Variants in MOB1B observed in about 807,000 individuals in gnomAD.
The protein encoded by MOB1B is MOB1 Mps One Binder homolog B.
Under a neutral mutation model 24.4 loss-of-function variants are expected in MOB1B, and 19 were observed. The observed-to-expected ratio is 0.78, with a 90% confidence interval of 0.54 to 1.14. MOB1B has a LOEUF of 1.14. MOB1B is among the 50% of genes most tolerant of loss of function. MOB1B has a pLI of 0.00. For missense variants in MOB1B, 243 were observed against 259.6 expected (o/e 0.94, Z 0.44); for synonymous variants, 76 against 82.1 (o/e 0.93, Z 0.40).
intron 1 of MOB1B, among the ~76,000 whole-genome samples, chr4:70,912,833 T>C (rs959157270): frequency 2.0e-5 from 3 of 152,228 alleles, no homozygotes; most frequent in African/African-American, 7.2e-5. Context: ...CGATCTCGAC[T>C]CACTGCAGCC....
At chr4:70,937,756 C>T (rs895438726) in intron 1 of MOB1B, among the ~76,000 whole-genome samples, 2 of 152,060 alleles carry the variant, frequency 1.3e-5, no homozygotes, top group Non-Finnish European at 2.9e-5. Context: ...GAACTCCTGA[C>T]CTCAGGCCGT....
intron 1 of MOB1B, among the ~76,000 whole-genome samples, chr4:70,941,294 ACTT>A (rs1007318747): frequency 4.0e-5 from 6 of 151,800 alleles, no homozygotes; most frequent in Admixed American, 3.9e-4. Flanking sequence ...ATTTCTGCTT[ACTT>A]CTTTGTCACT....
chr4:70,977,308 A>C (rs1387948590), intron 4 of MOB1B, among the ~76,000 whole-genome samples: 1 of 152,114 alleles, frequency 6.6e-6, no homozygotes, highest in Non-Finnish European at 1.5e-5. Context: ...TGAGGAGTGC[A>C]TATTATTTTA....
intron 1 of MOB1B, among the ~76,000 whole-genome samples, chr4:70,954,773 C>T (rs190427823): frequency 1.2e-3 from 174 of 150,388 alleles, no homozygotes; most frequent in Admixed American, 2.8e-3. Flanking sequence ...TTTTTGGAGA[C>T]GGAGTCTCGC....
chr4:70,925,131 C>T (rs926296457), intron 1 of MOB1B, among the ~76,000 whole-genome samples: 2 of 152,140 alleles, frequency 1.3e-5, no homozygotes, highest in South Asian at 2.1e-4. Context: ...GCAACCTCCA[C>T]CTCCTGGGTT....
intron 1 of MOB1B, among the ~76,000 whole-genome samples, chr4:70,949,651 G>A (rs1737721371): frequency 6.6e-6 from 1 of 152,166 alleles, no homozygotes; most frequent in African/African-American, 2.4e-5. Flanking sequence ...ACTTTGGGTG[G>A]TGGGGATGGG....
At chr4:70,975,058 T>G in intron 3 of MOB1B, 95 bp from the exon 4 acceptor site, 1 of 907,548 alleles carries the variant, frequency 1.1e-6, no homozygotes, top group Non-Finnish European at 1.5e-6. Flanking sequence ...TGAAAACATG[T>G]CTGTGTGTAC....
chr4:70,940,803 A>G (rs1737301108), intron 1 of MOB1B, among the ~76,000 whole-genome samples: 1 of 151,578 alleles, frequency 6.6e-6, no homozygotes, highest in Non-Finnish European at 1.5e-5. Context: ...CAGCCTCCCG[A>G]GTAGCTGGGA....
At chr4:70,907,403 CTCT>C (rs1372571800) in intron 1 of MOB1B, among the ~76,000 whole-genome samples, 1 of 151,490 alleles carries the variant, frequency 6.6e-6, no homozygotes, top group African/African-American at 2.4e-5. Context: ...AATTATGGGT[CTCT>C]TTTGACTAAT....
At chr4:70,927,716 C>G (rs1484547551) in intron 1 of MOB1B, among the ~76,000 whole-genome samples, 1 of 152,080 alleles carries the variant, frequency 6.6e-6, no homozygotes, top group African/African-American at 2.4e-5. Context: ...CACTGCTGTT[C>G]CACTTTAGCA....
At chr4:70,916,570 A>G (rs1736203917) in intron 1 of MOB1B, among the ~76,000 whole-genome samples, 1 of 152,022 alleles carries the variant, frequency 6.6e-6, no homozygotes, top group South Asian at 2.1e-4. Context: ...CTGCCACTGA[A>G]TATCTTTTTT....
intron 1 of MOB1B, among the ~76,000 whole-genome samples, chr4:70,928,087 C>G (rs996751834): frequency 6.6e-6 from 1 of 152,116 alleles, no homozygotes; most frequent in South Asian, 2.1e-4. Flanking sequence ...TGCCCCCTTC[C>G]CAGTTTGTTA....
At chr4:70,913,026 G>A (rs895269883) in intron 1 of MOB1B, among the ~76,000 whole-genome samples, 1 of 152,178 alleles carries the variant, frequency 6.6e-6, no homozygotes, top group Non-Finnish European at 1.5e-5. Context: ...CCAAAGTGCC[G>A]GCATTACAGG....
At chr4:70,922,237 A>G (rs1736465806) in intron 1 of MOB1B, among the ~76,000 whole-genome samples, 1 of 152,236 alleles carries the variant, frequency 6.6e-6, no homozygotes, top group African/African-American at 2.4e-5. Context: ...ATATTTCCCC[A>G]TATCACAACC....
At chr4:70,917,556 A>G (rs541544864) in intron 1 of MOB1B, among the ~76,000 whole-genome samples, 60 of 152,324 alleles carry the variant, frequency 3.9e-4, no homozygotes, top group Non-Finnish European at 7.1e-4. Context: ...CCAAAGTTCA[A>G]GGTCCCGAAG....
chr4:70,947,101 A>C (rs895432210), intron 1 of MOB1B, among the ~76,000 whole-genome samples: 10 of 152,134 alleles, frequency 6.6e-5, no homozygotes, highest in Admixed American at 5.2e-4. Flanking sequence ...AGTAAGTTAG[A>C]AAGACAGGAT....
Position 70,986,737 on chromosome 4 carries a change from A to G in MOB1B, c.*4680A>G, listed in dbSNP as rs1238410891. ...AGCTATCACCTTAATTGTGTATGATATGATAAATGTTTAGCAGTAAAGCTA... is the reference window on the plus strand; with the variant it reads ...AGCTATCACCTTAATTGTGTATGATGTGATAAATGTTTAGCAGTAAAGCTA... On this transcript the variant is annotated 3_prime_UTR_variant, in exon 6 of 6. Transcript: ENST00000309395. 6.6e-6 allele frequency: 1 copy of G among 152,200 alleles called. No individual in the cohort carries two copies. Among genetic ancestry groups the G allele is most frequent in the East Asian group, 1.9e-4 (1 of 5,202 alleles). The allele number at this position is 152,200 out of a possible 1,614,324, so 9.4% of individuals were successfully genotyped here. A position where few individuals can be genotyped will look rare whatever the true frequency, so the allele number is the denominator to read the frequency against.
chr4:70,979,148 T>G lies in MOB1B; in HGVS notation c.430T>G (p.Phe144Val). The G allele has an allele frequency of 6.2e-7, 1 of 1,613,794 alleles. No individual in the cohort carries two copies. The highest frequency in any genetic ancestry group is 1.7e-5 in the Admixed American group (1 of 59,988). The change falls in exon 5 of 6, where the codon TTC becomes GTC. Residue 144 changes from phenylalanine to valine, a missense_variant. Transcript: ENST00000309395. Reference protein sequence around the residue: ...SKIGVPFPKNFMSVAKTILKR... With the variant: ...SKIGVPFPKNVMSVAKTILKR... ...TCTAGGTGTCCCGTTCCCAAAGAAT[T>G]TCATGTCTGTGGCAAAAACTATACT...
chr4:70,937,743 C>A (rs1468926595), intron 1 of MOB1B, among the ~76,000 whole-genome samples: 1 of 152,076 alleles, frequency 6.6e-6, no homozygotes, highest in East Asian at 1.9e-4. Flanking sequence ...CCAGGCTGGT[C>A]TTGAACTCCT....
Sources: gnomAD v4.1 joint callset for allele counts (sites outside exome capture counted in the v4.1 genomes callset) on GRCh38, gnomAD v4.1.1 for gene constraint, MANE v1.5 for transcripts, NCBI Gene and HGNC (gene_info 2026-07-23, HGNC 2026-07-21) for gene names.